PPIL6: variants seen among roughly 807,000 people sequenced by gnomAD.
PPIL6 encodes peptidylprolyl isomerase like 6.
PPIL6 carries 39 observed loss-of-function variants against 36.8 expected under a neutral mutation model. The ratio of observed to expected loss-of-function variants is 1.06; its 90% confidence interval spans 0.82 to 1.38. The LOEUF (loss-of-function observed/expected upper bound fraction) is 1.38. Among genes scored for constraint, PPIL6 ranks in the 40% most tolerant of loss-of-function variants. PPIL6 has a pLI of 0.00. For synonymous variants in PPIL6, 123 were observed against 134.1 expected (o/e 0.92, Z 0.57); for missense variants, 368 against 379.1 (o/e 0.97, Z 0.24).
At chr6:109,427,220 G>T (rs1773870669) in intron 3 of PPIL6, 64 bp from the exon 4 acceptor site, 2 of 1,126,906 alleles carry the variant, frequency 1.8e-6, no homozygotes, top group East Asian at 4.8e-5. Context: ...TTTCAGAAAT[G>T]ACCAAAAATA....
chr6:109,437,003 CA>C (rs1263534612), intron 1 of PPIL6, among the ~76,000 whole-genome samples: 1 of 151,884 alleles, frequency 6.6e-6, no homozygotes, highest in Non-Finnish European at 1.5e-5. Flanking sequence ...GGGGGATGAC[CA>C]AAAAGATAAT....
At chr6:109,398,320 A>G (rs1772386338) in intron 7 of PPIL6, among the ~76,000 whole-genome samples, 1 of 152,234 alleles carries the variant, frequency 6.6e-6, no homozygotes, top group African/African-American at 2.4e-5. Flanking sequence ...AAGATATCCT[A>G]TGGATGAAAA....
At chr6:109,427,786 T>C (rs2115268235) in intron 3 of PPIL6, among the ~76,000 whole-genome samples, 1 of 152,238 alleles carries the variant, frequency 6.6e-6, no homozygotes, top group South Asian at 2.1e-4. Flanking sequence ...ATCTACCACA[T>C]CACAACTAGG....
intron 6 of PPIL6, among the ~76,000 whole-genome samples, chr6:109,404,477 A>AT (rs1772701958): frequency 6.6e-6 from 1 of 152,164 alleles, no homozygotes; most frequent in Non-Finnish European, 1.5e-5. Flanking sequence ...TTCCCACAGC[A>AT]CTCAGTTCCC....
At chr6:109,441,120 C>T (rs372015625), upstream of PPIL6, 53 of 1,614,048 alleles carry the variant, frequency 3.3e-5, no homozygotes, top group Non-Finnish European at 4.2e-5. Flanking sequence ...AGCTCCCCAA[C>T]CATGAAGCCC....
At chr6:109,427,195 G>C in intron 3 of PPIL6, 39 bp from the exon 4 acceptor site, 1 of 1,491,406 alleles carries the variant, frequency 6.7e-7, no homozygotes, top group Non-Finnish European at 9.2e-7. Flanking sequence ...GCAGGTCAAA[G>C]TCTTACAAGA....
chr6:109,411,579 C>A (rs1773015450), intron 6 of PPIL6, among the ~76,000 whole-genome samples: 1 of 152,210 alleles, frequency 6.6e-6, no homozygotes, highest in Non-Finnish European at 1.5e-5. Flanking sequence ...TTATCAAGTG[C>A]TTTCCCAAGT....
intron 2 of PPIL6, among the ~76,000 whole-genome samples, chr6:109,433,456 G>T (rs1774274206): frequency 6.6e-6 from 1 of 152,232 alleles, no homozygotes; most frequent in African/African-American, 2.4e-5. Flanking sequence ...TTATTTGGAG[G>T]CTAAAGATGT....
chr6:109,406,217 A>ATTTT (rs397887454), intron 6 of PPIL6, among the ~76,000 whole-genome samples: 1 of 140,574 alleles, frequency 7.1e-6, no homozygotes, highest in African/African-American at 2.6e-5. Flanking sequence ...CGCCCAGCTA[A>ATTTT]TTTTTTTTTT....
intron 7 of PPIL6, among the ~76,000 whole-genome samples, chr6:109,396,333 A>G (rs143492307): frequency 5.9e-5 from 9 of 152,220 alleles, no homozygotes; most frequent in African/African-American, 1.7e-4. Flanking sequence ...AAATTCTCCC[A>G]TGGCCCCCAT....
intron 2 of PPIL6, among the ~76,000 whole-genome samples, chr6:109,433,298 C>T (rs1774263440): frequency 1.3e-5 from 2 of 152,208 alleles, no homozygotes; most frequent in African/African-American, 4.8e-5. Flanking sequence ...CTCAGGTGAT[C>T]TGCCCGCCTC....
In PPIL6 at chr6:109,431,285, A is replaced by G; in HGVS notation, c.292T>C (p.Phe98Leu). Residue 98 changes from phenylalanine (F) to leucine (L), a missense_variant, in exon 3 of 8, where the codon TTT becomes CTT. Transcript: ENST00000521072. Reference sequence around the variant, plus strand: ...TGCAGATCCAATGCATCACCCAGAAACTGACCATTAACAAAAGAAATCACA... The same window carrying G: ...TGCAGATCCAATGCATCACCCAGAAGCTGACCATTAACAAAAGAAATCACA... The part of the protein sequence containing the change: ...SSVISFVNGQ[F>L]LGDALDLQKW... 1 of 1,613,010 alleles carries G rather than the reference A, an allele frequency of 6.2e-7. No individual in the cohort carries two copies. Among genetic ancestry groups the G allele is most frequent in the African/African-American group, 1.3e-5 (1 of 74,830 alleles).
At chr6:109,402,468 G>A (rs1054939213) in intron 6 of PPIL6, among the ~76,000 whole-genome samples, 13 of 152,030 alleles carry the variant, frequency 8.6e-5, no homozygotes, top group African/African-American at 2.7e-4. Flanking sequence ...CCCAGGAGGC[G>A]GAGGTTGCAG....
intron 6 of PPIL6, among the ~76,000 whole-genome samples, chr6:109,416,306 G>A (rs966788161): frequency 2.0e-5 from 3 of 148,628 alleles, no homozygotes; most frequent in African/African-American, 7.5e-5. Flanking sequence ...GAGTTCAAGT[G>A]ATTCTCCTGC....
At chr6:109,400,237 AG>A in intron 6 of PPIL6, 67 bp from the exon 7 acceptor site, 1 of 1,314,380 alleles carries the variant, frequency 7.6e-7, no homozygotes, top group Non-Finnish European at 1.1e-6. Flanking sequence ...GTAACATATA[AG>A]GAACAAATAG....
chr6:109,420,258 G>A (rs540081429), intron 5 of PPIL6, among the ~76,000 whole-genome samples: 6 of 140,976 alleles, frequency 4.3e-5, no homozygotes, highest in South Asian at 4.5e-4. Context: ...GCTTGAATCC[G>A]GGAGGCAGAG....
chr6:109,400,637 T>G (rs1273557564), intron 6 of PPIL6, among the ~76,000 whole-genome samples: 5 of 152,150 alleles, frequency 3.3e-5, no homozygotes, highest in Non-Finnish European at 7.3e-5. Context: ...TAACACTCGA[T>G]GTAATTATTG....
At chr6:109,417,130 A>G (rs1280055836) in intron 6 of PPIL6, among the ~76,000 whole-genome samples, 1 of 151,480 alleles carries the variant, frequency 6.6e-6, no homozygotes, top group Non-Finnish European at 1.5e-5. Context: ...TGATCACGCC[A>G]TTGCACTTTA....
chr6:109,393,595 A>G (rs578062498), intron 7 of PPIL6, among the ~76,000 whole-genome samples: 1 of 152,182 alleles, frequency 6.6e-6, no homozygotes, highest in African/African-American at 2.4e-5. Context: ...ATTTCCCATT[A>G]TCCTTAGGAT....
Sources: allele counts gnomAD v4.1 joint callset (sites outside exome capture counted in the v4.1 genomes callset), GRCh38; gene constraint gnomAD v4.1.1; transcripts MANE v1.5; gene names NCBI Gene and HGNC (gene_info 2026-07-23, HGNC 2026-07-21).